SLC36A1: variants seen among roughly 807,000 people sequenced by gnomAD.
SLC36A1 encodes the protein solute carrier family 36 member 1.
A neutral mutation model predicts 47.5 loss-of-function variants in SLC36A1; 30 were observed. The observed-to-expected ratio is 0.63, with a 90% CI of 0.47 to 0.86. The LOEUF (loss-of-function observed/expected upper bound fraction) is 0.86, where lower values mean the gene tolerates loss of function less well. SLC36A1 is among the 40% of genes least tolerant of loss of function. SLC36A1 has a pLI of 0.00. For synonymous variants in SLC36A1, 255 were observed against 249.7 expected (o/e 1.02, Z -0.20); for missense variants, 517 against 606.0 (o/e 0.85, Z 1.54).
chr5:151,510,065 G>C, the SLC36A1 span: 12 of 1,614,152 alleles, frequency 7.4e-6, no homozygotes, highest in Admixed American at 1.8e-4. Context: ...AAGCTCCTTT[G>C]GGGGAGAGGA....
At chr5:151,476,438 G>T (rs555293770) in intron 8 of SLC36A1, 152 bp from the exon 9 acceptor site, 3 of 597,926 alleles carry the variant, frequency 5.0e-6, no homozygotes, top group Non-Finnish European at 8.4e-6. Context: ...AGAGCATAAC[G>T]TCTGATGAAA....
chr5:151,465,832 A>T (rs1756275490), intron 5 of SLC36A1, among the ~76,000 whole-genome samples: 1 of 152,204 alleles, frequency 6.6e-6, no homozygotes, highest in African/African-American at 2.4e-5. Context: ...TGGAGGTGGG[A>T]AGTATTTGCA....
At chr5:151,350,620 T>C in the SLC36A1 span, among the ~76,000 whole-genome samples, 2 of 150,110 alleles carry the variant, frequency 1.3e-5, no homozygotes, top group African/African-American at 4.9e-5. Flanking sequence ...TAAAAACCTT[T>C]AAAATATCAC....
At chr5:151,472,197 A>G (rs1326772723) in intron 7 of SLC36A1, among the ~76,000 whole-genome samples, 1 of 152,268 alleles carries the variant, frequency 6.6e-6, no homozygotes, top group Admixed American at 6.5e-5. Flanking sequence ...CAAGGAAGCC[A>G]GTCCAAGTCC....
intron 7 of SLC36A1, among the ~76,000 whole-genome samples, chr5:151,472,557 T>G (rs527668385): frequency 1.3e-5 from 2 of 152,212 alleles, no homozygotes; most frequent in Non-Finnish European, 1.5e-5. Context: ...TTGCCCTTTT[T>G]CTGGCCCATT....
At chr5:151,507,248 G>A in the SLC36A1 span, 1 of 1,614,194 alleles carries the variant, frequency 6.2e-7, no homozygotes, top group Non-Finnish European at 8.5e-7. Flanking sequence ...GCACACTGCA[G>A]ACCACTGGCC....
intron 9 of SLC36A1, among the ~76,000 whole-genome samples, chr5:151,478,799 T>G (rs1758420376): frequency 6.6e-6 from 1 of 151,236 alleles, no homozygotes; most frequent in East Asian, 1.9e-4. Context: ...GATTGTCATG[T>G]GGGGTGAGTG....
chr5:151,517,556 C>T, the SLC36A1 span: 1 of 1,597,878 alleles, frequency 6.3e-7, no homozygotes, highest in Non-Finnish European at 8.6e-7. Context: ...TTCCTCATGC[C>T]TCACCCCCTA....
At chr5:151,388,351 A>G in the SLC36A1 span, among the ~76,000 whole-genome samples, 1 of 151,914 alleles carries the variant, frequency 6.6e-6, no homozygotes, top group African/African-American at 2.4e-5. Context: ...AAAATACAAA[A>G]TTAGCCAGGC....
At chr5:151,458,660 T>C in intron 1 of SLC36A1, 128 bp from the exon 2 acceptor site, 1 of 1,027,636 alleles carries the variant, frequency 9.7e-7, no homozygotes, top group Non-Finnish European at 1.4e-6. Context: ...ACTTTCATAC[T>C]TAATCCATAG....
intron 9 of SLC36A1, 69 bp downstream of exon 9, chr5:151,476,825 A>T (rs1282431057): frequency 2.6e-6 from 4 of 1,564,730 alleles, no homozygotes; most frequent in Non-Finnish European, 3.5e-6. Flanking sequence ...CACAGTGTGG[A>T]TTCTCCCTCT....
At chr5:151,554,290 T>G in the SLC36A1 span, 1 of 1,415,514 alleles carries the variant, frequency 7.1e-7, no homozygotes, top group South Asian at 1.3e-5. Flanking sequence ...GTCTCCCTCC[T>G]CCTGAATTCT....
the SLC36A1 span, among the ~76,000 whole-genome samples, chr5:151,373,145 G>T: frequency 1.5e-4 from 23 of 151,862 alleles, no homozygotes; most frequent in Non-Finnish European, 2.9e-4. Context: ...AGATCAAAAA[G>T]TTCAGAGCCG....
chr5:151,386,832 A>G, the SLC36A1 span, among the ~76,000 whole-genome samples: 1,639 of 152,294 alleles, frequency 0.011, 66 homozygotes, highest in East Asian at 0.14. Flanking sequence ...TCTGTGAGGC[A>G]TGTTCAAATC....
At chr5:151,428,104 A>G in the SLC36A1 span, among the ~76,000 whole-genome samples, 1 of 152,200 alleles carries the variant, frequency 6.6e-6, no homozygotes, top group Non-Finnish European at 1.5e-5. Context: ...CGGCAACTCC[A>G]GAGACATGTT....
the SLC36A1 span, chr5:151,510,272 A>G: frequency 1.5e-6 from 2 of 1,378,764 alleles, no homozygotes; most frequent in Non-Finnish European, 1.0e-6. Context: ...CCGTTCAGTT[A>G]CCATTTATTT....
At chr5:151,356,398 T>A in the SLC36A1 span, among the ~76,000 whole-genome samples, 1 of 142,694 alleles carries the variant, frequency 7.0e-6, no homozygotes, top group Non-Finnish European at 1.5e-5. Context: ...AGAAGAAAAG[T>A]GCTACGAGAG....
Position 151,476,724 on chromosome 5 carries a change from A to G in SLC36A1, c.957A>G (p.Gln319=). Residue 319 remains glutamine, a synonymous_variant, in exon 9 of 11, where the codon CAA becomes CAG. Transcript: ENST00000243389. Reference sequence around the variant, plus strand: ...ACCTGCAATTTGGAGCTAATATCCAAGGCAGCATAACCCTCAACCTGCCCA... The same window carrying G: ...ACCTGCAATTTGGAGCTAATATCCAGGGCAGCATAACCCTCAACCTGCCCA... ...LGYLQFGANI[Q]GSITLNLPNC... The G allele has an allele frequency of 6.2e-7, 1 of 1,612,616 alleles. No homozygotes were observed. Among genetic ancestry groups the G allele is most frequent in the Non-Finnish European group, 8.5e-7 (1 of 1,179,172 alleles).
the SLC36A1 span, among the ~76,000 whole-genome samples, chr5:151,368,887 C>G: frequency 6.6e-6 from 1 of 152,258 alleles, no homozygotes. Context: ...CTTCCCTGGC[C>G]CCTTAGAAAA....
Sources: gnomAD v4.1 joint callset for allele counts (sites outside exome capture counted in the v4.1 genomes callset) on GRCh38, gnomAD v4.1.1 for gene constraint, MANE v1.5 for transcripts, NCBI Gene and HGNC (gene_info 2026-07-23, HGNC 2026-07-21) for gene names.